Variants in KIAA1210 observed in about 807,000 individuals in gnomAD.
KIAA1210 encodes the protein acrosomal protein KIAA1210.
A neutral mutation model predicts 78.9 loss-of-function variants in KIAA1210; 48 were observed. That is an observed-to-expected ratio of 0.61 (90% CI 0.48 to 0.77). KIAA1210 has a LOEUF of 0.77. Ranked by LOEUF, KIAA1210 falls within the 30% of genes least tolerant of loss-of-function variation. KIAA1210 has a pLI of 0.00. For missense variants in KIAA1210, 1,108 were observed against 1,100.0 expected, an observed-to-expected ratio of 1.01 and a Z score of -0.10; for synonymous variants, 406 against 404.5, an observed-to-expected ratio of 1.00 and a Z score of -0.04.
rs773245380 is a variant in KIAA1210, at chrX:119,116,600, G to T, written c.126C>A (p.Ala42=). 4.6e-5 allele frequency: 56 copies of T among 1,206,294 alleles called. No homozygotes were observed. The highest frequency in any genetic ancestry group is 5.8e-5 in the Non-Finnish European group (52 of 892,433). Residue 42 remains alanine (A), a synonymous_variant, in exon 3 of 12, where the codon GCC becomes GCA. Transcript: ENST00000691062. ...SFFVKKKEKE[A]EDTQEEEMLE... ...GCATTTCTTCTTCCTGGGTATCTTC[G>T]GCTTCTTTTTCCTTCTTCTTAACAA...
chrX:119,146,546 C>G (rs1249057975), intron 2 of KIAA1210, among the ~76,000 whole-genome samples: 1 of 112,223 alleles, frequency 8.9e-6, no homozygotes, highest in Non-Finnish European at 1.9e-5. Context: ...ACCATTTTCT[C>G]CTAAATGAAT....
At chrX:119,150,153 A>C in intron 1 of KIAA1210, 1 of 624,230 alleles carries the variant, frequency 1.6e-6, no homozygotes, top group Non-Finnish European at 2.4e-6. Context: ...CACATAGAGA[A>C]GCTATAGCTT....
chrX:119,134,933 C>T (rs1370185021), intron 2 of KIAA1210, among the ~76,000 whole-genome samples: 1 of 112,631 alleles, frequency 8.9e-6, no homozygotes, highest in Non-Finnish European at 1.9e-5. Context: ...AATGAAATTG[C>T]TGAGTCCTCA....
Position 119,087,481 on chromosome X carries a change from C to G in KIAA1210, c.3221G>C (p.Gly1074Ala). ...CATAGGTAGCATCTTTGAAGAAATG[C>G]CTCCCTTAGGATTAGCACTCCCTGA... ...SDSGSANPKG[G>A]ISSKMLPMKH... The change falls in exon 9 of 12, where the codon GGC becomes GCC. Residue 1074 changes from glycine to alanine, a missense_variant. Transcript: ENST00000691062. 1 of 1,209,660 alleles carries G rather than the reference C, an allele frequency of 8.3e-7. No homozygotes were observed. Among genetic ancestry groups the G allele is most frequent in the Non-Finnish European group, 1.1e-6 (1 of 894,645 alleles).
Position 119,088,891 on chromosome X carries a change from G to A in KIAA1210, c.1811C>T (p.Ser604Phe), listed in dbSNP as rs376769242. 1.1e-4 allele frequency: 135 copies of A among 1,209,488 alleles called. 2 individuals carry two copies. In the Middle Eastern group the frequency reaches 6.2e-3, roughly 55 times the overall value. The change falls in exon 9 of 12, where the codon TCC (serine) becomes TTC (phenylalanine). Residue 604 changes from serine (S) to phenylalanine (F), a missense_variant. Transcript: ENST00000691062. ...CTCAGGAATATTCTCTGAATCTGAG[G>A]AGACTTCTTCAGCATCAGGCTTCCT... ...SSRKPDAEEV[S>F]SDSENIPEEG...
intron 10 of KIAA1210, 41 bp downstream of exon 10, chrX:119,085,342 C>T (rs752977054): frequency 8.7e-7 from 1 of 1,155,950 alleles, no homozygotes; most frequent in East Asian, 3.0e-5. Flanking sequence ...GTGATTCCAG[C>T]AACCTTTTTG....
In KIAA1210 at chrX:119,086,715, C is replaced by T. The variant is rs1927147972; in HGVS notation, c.3987G>A (p.Ser1329=). The change falls in exon 9 of 12, where the codon TCG becomes TCA. Residue 1329 remains serine, a synonymous_variant. Transcript: ENST00000691062. The part of the protein sequence containing the change: ...DNFTQLASVP[S]GPISSSVGRG... ...TGCCTACAGAGGATGAAATTGGGCCCGAGGGCACTGAAGCAAGCTGGGTGA... is the reference window on the plus strand; with the variant it reads ...TGCCTACAGAGGATGAAATTGGGCCTGAGGGCACTGAAGCAAGCTGGGTGA... 12 of 1,211,165 alleles carry T rather than the reference C, an allele frequency of 9.9e-6. No homozygotes were observed. The highest frequency in any genetic ancestry group is 3.0e-5 in the East Asian group (1 of 33,827).
chrX:119,134,840 A>G (rs765218422), intron 2 of KIAA1210, among the ~76,000 whole-genome samples: 3 of 112,327 alleles, frequency 2.7e-5, no homozygotes, highest in Admixed American at 9.4e-5. Context: ...GTCCTATTCC[A>G]TCTTACAATC....
chrX:119,148,376 A>G (rs890001292), intron 1 of KIAA1210, among the ~76,000 whole-genome samples: 2 of 111,488 alleles, frequency 1.8e-5, no homozygotes, highest in African/African-American at 6.5e-5. Context: ...GAATAGCTAA[A>G]AACCTCTGGG....
intron 2 of KIAA1210, among the ~76,000 whole-genome samples, chrX:119,134,425 A>T (rs1254877773): frequency 8.9e-6 from 1 of 112,406 alleles, no homozygotes; most frequent in Non-Finnish European, 1.9e-5. Context: ...GCGATGGCAC[A>T]CTACTTAAAA....
At position 119,089,074 on chromosome X, in the gene KIAA1210, A is replaced by G. The variant is rs1256264991; in HGVS notation, c.1628T>C (p.Met543Thr). 2 of 1,210,460 alleles carry G rather than the reference A, an allele frequency of 1.7e-6. No homozygotes were observed. Among genetic ancestry groups the G allele is most frequent in the Non-Finnish European group, 2.2e-6 (2 of 895,216 alleles). ...SFDLQKAQSK[M>T]ESAQDVQTIC... ...AGTTTGAACATCCTGGGCTGACTCC[A>G]TTTTGGATTGGGCCTTTTGTAAATC... Residue 543 changes from methionine to threonine, a missense_variant, in exon 9 of 12, where the codon ATG becomes ACG. Met to Thr is a moderately conservative substitution (Grantham distance 81). Coordinates refer to ENST00000691062, the MANE Select transcript of KIAA1210 (RefSeq NM_001394962.1).
intron 2 of KIAA1210, among the ~76,000 whole-genome samples, chrX:119,145,946 A>G (rs1245993695): frequency 1.8e-5 from 2 of 112,208 alleles, no homozygotes; most frequent in African/African-American, 6.5e-5. Flanking sequence ...GACTATAACT[A>G]TGGAATTGTG....
At chrX:119,100,084 C>A (rs1159527927) in intron 6 of KIAA1210, among the ~76,000 whole-genome samples, 1 of 110,592 alleles carries the variant, frequency 9.0e-6, no homozygotes, top group African/African-American at 3.3e-5. Context: ...GCGGCTCACA[C>A]CTGTAATCCT....
rs760384631 is a variant in KIAA1210 at position 119,092,483 on chromosome X, T to C, written c.955+1184A>G. On this transcript the variant is annotated intron_variant, in intron 8 of 11. Transcript: ENST00000691062. The stretch of plus-strand genomic sequence containing the variant: ...CTATTAAAAAATAAAGCTCAAAGGC[T>C]GGGTGCAGTGGCTCACGCCTGCAAT... Among the ~76,000 whole-genome samples the C allele has an allele frequency of 5.2e-4, 58 of 112,234 alleles. No individual in the cohort carries two copies. In the South Asian group the frequency reaches 0.018, roughly 36 times the overall value.
rs778697182 is a variant in KIAA1210 at position 119,087,440 on chromosome X, A to T, written c.3262T>A (p.Ser1088Thr). The T allele has an allele frequency of 8.3e-7, 1 of 1,210,320 alleles. No homozygotes were observed. Residue 1088 changes from serine to threonine, a missense_variant, in exon 9 of 12, where the codon TCC becomes ACC. Transcript: ENST00000691062. ...TGTGGGTCTTCAGGCCTCCCCAAGG[A>T]CTGTAAAGGGTGCTTCATAGGTAGC... The part of the protein sequence containing the change: ...KMLPMKHPLQ[S>T]LGRPEDPQKV...
chrX:119,116,741 G>A lies in KIAA1210; in HGVS notation c.62-77C>T, dbSNP rs1462782593. ...AGGAGAGGAAAAAGAGCCTTCATGA[G>A]AGGAAAGAGGACCATGATCCCACCC... On this transcript the variant is annotated intron_variant, in intron 2 of 11. Transcript: ENST00000691062. 6.4e-6 allele frequency: 6 copies of A among 935,091 alleles called. No individual in the cohort carries two copies. The East Asian group carries it at 1.7e-4, about 26-fold the overall frequency. The allele number at this position is 935,091 out of a possible 1,213,427, so 77.1% of individuals were successfully genotyped here.
chrX:119,121,524 T>C (rs1298178101), intron 2 of KIAA1210, among the ~76,000 whole-genome samples: 3 of 110,948 alleles, frequency 2.7e-5, no homozygotes, highest in African/African-American at 9.8e-5. Flanking sequence ...ACTCATCCAG[T>C]CATGGTCTGC....
chrX:119,133,226 C>A (rs920516211), intron 2 of KIAA1210, among the ~76,000 whole-genome samples: 21 of 111,805 alleles, frequency 1.9e-4, no homozygotes, highest in Admixed American at 5.7e-4. Context: ...TCTTTTCTTG[C>A]AGGAGGTTGG....
rs776673434 is a variant in KIAA1210 at position 119,109,146 on chromosome X, C to T, written c.287G>A (p.Gly96Asp). ...ALSHDSIFML[G>D]PEPERSASKM... ...ACTTGCTGATCTTTCAGGCTCAGGA[C>T]CCAACATGAAGATGCTATCATGGGA... The change falls in exon 4 of 12, where the codon GGT becomes GAT. Residue 96 changes from glycine to aspartate, a missense_variant. This residue lies in a region of KIAA1210 where 672 missense variants were observed against 607.1 expected (regional missense o/e 1.11). Transcript: ENST00000691062. 1.7e-6 allele frequency: 2 copies of T among 1,207,369 alleles called. No homozygotes were observed. Among genetic ancestry groups the T allele is most frequent in the East Asian group, 5.9e-5 (2 of 33,774 alleles).
Sources: gnomAD v4.1 joint callset for allele counts (sites outside exome capture counted in the v4.1 genomes callset) on GRCh38, gnomAD v4.1.1 for gene constraint, gnomAD v4.1.1 regional missense constraint, MANE v1.5 for transcripts, NCBI Gene and HGNC (gene_info 2026-07-23, HGNC 2026-07-21) for gene names.